LARGE1: variants seen among roughly 807,000 people sequenced by gnomAD.
The protein encoded by LARGE1 is xylosyl- and glucuronyltransferase LARGE1.
LARGE1 carries 43 observed loss-of-function variants against 87.6 expected under a neutral mutation model. The observed-to-expected ratio is 0.49, with a 90% CI of 0.38 to 0.63. LARGE1 has a LOEUF of 0.63. Among genes scored for constraint, LARGE1 ranks in the 30% least tolerant of loss-of-function variants. The pLI, the probability that LARGE1 is intolerant of heterozygous loss-of-function variation, is 0.00. For synonymous variants in LARGE1, 434 were observed against 394.6 expected, an observed-to-expected ratio of 1.10 and a Z score of -1.18; for missense variants, 802 against 1,000.2, an observed-to-expected ratio of 0.80 and a Z score of 2.67.
At chr22:33,391,434 G>A (rs2065517685) in intron 7 of LARGE1, among the ~76,000 whole-genome samples, 1 of 152,056 alleles carries the variant, frequency 6.6e-6, no homozygotes, top group Non-Finnish European at 1.5e-5. Context: ...GAAGCATTAG[G>A]GGAAGGGCAT....
At chr22:33,437,676 C>T (rs1438705766) in intron 6 of LARGE1, among the ~76,000 whole-genome samples, 1 of 152,172 alleles carries the variant, frequency 6.6e-6, no homozygotes, top group Non-Finnish European at 1.5e-5. Flanking sequence ...CCTTAGCTGA[C>T]ATGGCCCTTA....
At chr22:33,269,238 T>C (rs1261892694), downstream of LARGE1, among the ~76,000 whole-genome samples, 2 of 152,240 alleles carry the variant, frequency 1.3e-5, no homozygotes, top group Non-Finnish European at 2.9e-5. Context: ...GTTATTTGTA[T>C]TATCCTTGCA....
the LARGE1 span, among the ~76,000 whole-genome samples, chr22:33,134,764 T>A: frequency 6.6e-6 from 1 of 152,180 alleles, no homozygotes; most frequent in Non-Finnish European, 1.5e-5. Flanking sequence ...TGTTTGGGAA[T>A]GTCATCCTTC....
At chr22:33,288,521 A>G (rs1030197947) in intron 12 of LARGE1, among the ~76,000 whole-genome samples, 2 of 152,192 alleles carry the variant, frequency 1.3e-5, no homozygotes, top group Admixed American at 1.3e-4. Flanking sequence ...GATATACTAT[A>G]TACATCTCCT....
chr22:33,378,219 T>C (rs1166661846), intron 9 of LARGE1, among the ~76,000 whole-genome samples: 1 of 152,102 alleles, frequency 6.6e-6, no homozygotes, highest in Non-Finnish European at 1.5e-5. Context: ...AAATTTTTAA[T>C]TTTTTTTCTT....
chr22:33,464,333 A>C (rs1200208508), intron 6 of LARGE1, among the ~76,000 whole-genome samples: 1 of 152,198 alleles, frequency 6.6e-6, no homozygotes, highest in Non-Finnish European at 1.5e-5. Context: ...GTTTATTTTC[A>C]TAAGTCGAAT....
chr22:33,672,805 C>G (rs2081456562), intron 2 of LARGE1, among the ~76,000 whole-genome samples: 1 of 152,170 alleles, frequency 6.6e-6, no homozygotes, highest in South Asian at 2.1e-4. Flanking sequence ...AATATCTATA[C>G]GGCACCTATT....
chr22:33,634,957 A>T (rs958834773), intron 3 of LARGE1, among the ~76,000 whole-genome samples: 1 of 152,046 alleles, frequency 6.6e-6, no homozygotes, highest in Non-Finnish European at 1.5e-5. Context: ...TCTACTAAAA[A>T]AAATACAAAA....
chr22:33,156,764 G>T, the LARGE1 span, among the ~76,000 whole-genome samples: 1 of 152,132 alleles, frequency 6.6e-6, no homozygotes, highest in Non-Finnish European at 1.5e-5. Context: ...GGGGGCAGGG[G>T]TAGAATGATA....
intron 3 of LARGE1, among the ~76,000 whole-genome samples, chr22:33,627,670 C>G (rs1449241365): frequency 1.3e-5 from 2 of 152,170 alleles, no homozygotes; most frequent in African/African-American, 4.8e-5. Flanking sequence ...CCTCCTTCAT[C>G]ACCCCACTGT....
At chr22:33,876,343 T>C (rs1239727518) in intron 1 of LARGE1, among the ~76,000 whole-genome samples, 1 of 151,628 alleles carries the variant, frequency 6.6e-6, no homozygotes, top group Non-Finnish European at 1.5e-5. Context: ...GGAGAGCAGA[T>C]ACCCTTAGAG....
rs556564927 is a variant in LARGE1, at chr22:33,771,246, G to A, written c.-82-9688C>T. On this transcript the variant is annotated intron_variant, in intron 1 of 14. Transcript: ENST00000397394. ...CGGTTTGTTACTATAATCCCCTTCT[G>A]TAAGTACTCGCCCCTCCCTTGGCCC... Among the ~76,000 whole-genome samples the A allele has an allele frequency of 3.4e-5, 5 of 146,000 alleles. 1 individual carries two copies. The South Asian group carries it at 1.1e-3, about 31-fold the overall frequency.
intron 11 of LARGE1, among the ~76,000 whole-genome samples, chr22:33,203,087 C>CTG (rs1407838708): frequency 4.5e-4 from 61 of 134,124 alleles, no homozygotes; most frequent in African/African-American, 1.3e-3. Flanking sequence ...CTCTCTCTCT[C>CTG]TCTCTCTCTC....
At chr22:33,477,179 G>A (rs1254286924) in intron 6 of LARGE1, among the ~76,000 whole-genome samples, 4 of 152,206 alleles carry the variant, frequency 2.6e-5, no homozygotes, top group Non-Finnish European at 5.9e-5. Context: ...GAGAGACCCT[G>A]ACACTTCATA....
In LARGE1 at chr22:33,274,071, A is replaced by G. The variant is rs1168568645; in HGVS notation, c.*356T>C. On this transcript the variant is annotated 3_prime_UTR_variant, in exon 15 of 15. Transcript: ENST00000397394. ...CCCTTTCTCCCCAGTTATGATGGGA[A>G]GCATAATTATTAAAAAGCATCCAGA... The G allele has an allele frequency of 4.8e-6, 2 of 420,638 alleles. No individual in the cohort carries two copies. The highest frequency in any genetic ancestry group is 2.9e-5 in the South Asian group (1 of 34,852). The allele number at this position is 420,638 out of a possible 1,614,324, so 26.1% of individuals were successfully genotyped here.
At chr22:33,535,177 C>T (rs975498394) in intron 6 of LARGE1, among the ~76,000 whole-genome samples, 1 of 152,192 alleles carries the variant, frequency 6.6e-6, no homozygotes, top group African/African-American at 2.4e-5. Context: ...ACTCCAGCAC[C>T]CTGCTGCAAC....
At chr22:33,696,433 T>G (rs1002464880) in intron 2 of LARGE1, among the ~76,000 whole-genome samples, 5 of 151,976 alleles carry the variant, frequency 3.3e-5, no homozygotes, top group African/African-American at 1.2e-4. Flanking sequence ...CCAGCTAATT[T>G]TTTGTATTTT....
chr22:33,660,894 GTTAT>G (rs1209773467), intron 2 of LARGE1, among the ~76,000 whole-genome samples: 6 of 152,204 alleles, frequency 3.9e-5, no homozygotes, highest in African/African-American at 1.4e-4. Flanking sequence ...CAATAAATGT[GTTAT>G]TTGATATGAA....
chr22:33,107,488 G>A, the LARGE1 span, among the ~76,000 whole-genome samples: 1 of 152,146 alleles, frequency 6.6e-6, no homozygotes, highest in Admixed American at 6.5e-5. Flanking sequence ...CCAGGAGGTC[G>A]AGGCTGCAGA....
Sources: allele counts gnomAD v4.1 joint callset (sites outside exome capture counted in the v4.1 genomes callset), GRCh38; gene constraint gnomAD v4.1.1; transcripts MANE v1.5; gene names NCBI Gene and HGNC (gene_info 2026-07-23, HGNC 2026-07-21).